DYNC2H1: variants seen among roughly 807,000 people sequenced by gnomAD.
The protein encoded by DYNC2H1 is dynein cytoplasmic 2 heavy chain 1, also known as cytoplasmic dynein 2 heavy chain 1.
Under a neutral mutation model 570.0 loss-of-function variants are expected in DYNC2H1, and 410 were observed. The ratio of observed to expected loss-of-function variants is 0.72; its 90% CI spans 0.66 to 0.78. The LOEUF (loss-of-function observed/expected upper bound fraction) is 0.78, where lower values mean the gene tolerates loss of function less well. Ranked by LOEUF, DYNC2H1 falls within the 30% of genes least tolerant of loss-of-function variation. The probability of loss-of-function intolerance (pLI) is 0.00; values close to 1 mark genes in which losing one functional copy is unlikely to be tolerated. For synonymous variants in DYNC2H1, 1,688 were observed against 1,677.6 expected (o/e 1.01, Z -0.15); for missense variants, 4,865 against 5,046.4 (o/e 0.96, Z 1.09).
chr11:103,275,526 G>A lies in DYNC2H1; in HGVS notation c.10696-4822G>A, dbSNP rs576134904. On this transcript the variant is annotated intron_variant, in intron 70 of 88. Transcript: ENST00000375735. This position sits in a 1 kb window ranked among gnomAD's most constrained non-coding sequence, Gnocchi z 4.8. Reference sequence around the variant, plus strand: ...CCTGCTCACTTAACCCCTGGCAAACGCTGATCCTTTTACTGCCTATAGTTT... The same window carrying A: ...CCTGCTCACTTAACCCCTGGCAAACACTGATCCTTTTACTGCCTATAGTTT... Among the ~76,000 whole-genome samples, 5 of 152,198 alleles carry A rather than the reference G, an allele frequency of 3.3e-5. No homozygotes were observed. The highest frequency in any genetic ancestry group is 2.1e-4 in the South Asian group (1 of 4,822).
intron 82 of DYNC2H1, among the ~76,000 whole-genome samples, chr11:103,347,335 T>C (rs1939792522): frequency 6.6e-6 from 1 of 152,204 alleles, no homozygotes; most frequent in Non-Finnish European, 1.5e-5. Flanking sequence ...ATTTTGAGAC[T>C]GTCAGAGAAA....
In DYNC2H1 at chr11:103,245,916, A is replaced by T. The variant is rs900766869; in HGVS notation, c.10042+542A>T. ...TATCATGCAAAGTGTATACACATAC[A>T]TATGTAGACGTGTACATATACGTAC... On this transcript the variant is annotated intron_variant, in intron 65 of 88. Coordinates refer to ENST00000375735, the MANE Select transcript of DYNC2H1 (RefSeq NM_001377.3). The surrounding 1 kb of genome is among the most constrained non-coding windows in gnomAD (Gnocchi z 4.5). Among the ~76,000 whole-genome samples, 4 of 152,136 alleles carry T rather than the reference A, an allele frequency of 2.6e-5. No individual in the cohort carries two copies. The highest frequency in any genetic ancestry group is 5.9e-5 in the Non-Finnish European group (4 of 67,998).
intron 88 of DYNC2H1, chr11:103,473,979 AT>A (rs1228650630): frequency 6.4e-6 from 1 of 155,920 alleles, no homozygotes; most frequent in East Asian, 1.9e-4. Context: ...AGATGTTAAA[AT>A]ATCACATATA....
chr11:103,458,925 G>A (rs1944894420), intron 87 of DYNC2H1, among the ~76,000 whole-genome samples: 1 of 151,824 alleles, frequency 6.6e-6, no homozygotes, highest in Non-Finnish European at 1.5e-5. Context: ...ACCTTCCTCG[G>A]CCTCCCAAAG....
chr11:103,262,139 C>T (rs1215352002), intron 70 of DYNC2H1, among the ~76,000 whole-genome samples: 1 of 151,898 alleles, frequency 6.6e-6, no homozygotes, highest in African/African-American at 2.4e-5. Flanking sequence ...AGCATGAAGA[C>T]AAGATTAGAG....
chr11:103,111,342 T>G (rs1297946393), intron 1 of DYNC2H1, among the ~76,000 whole-genome samples: 1 of 152,248 alleles, frequency 6.6e-6, no homozygotes, highest in Non-Finnish European at 1.5e-5. Flanking sequence ...TTCTAAGTAC[T>G]TTATATGTAT....
intron 36 of DYNC2H1, among the ~76,000 whole-genome samples, chr11:103,174,797 A>G (rs183668583): frequency 6.6e-6 from 1 of 151,966 alleles, no homozygotes; most frequent in Non-Finnish European, 1.5e-5. Flanking sequence ...TCACCTGGCT[A>G]TGGTAGTGTT....
chr11:103,293,907 T>C (rs568773056), intron 75 of DYNC2H1, among the ~76,000 whole-genome samples: 23 of 152,010 alleles, frequency 1.5e-4, no homozygotes, highest in Non-Finnish European at 3.2e-4. Context: ...TGAAACCCCA[T>C]CTGTACTAAA....
chr11:103,169,998 T>C, intron 32 of DYNC2H1, 110 bp from the exon 33 acceptor site: 1 of 1,068,828 alleles, frequency 9.4e-7, no homozygotes, highest in African/African-American at 1.7e-5. Context: ...TTAAAAACTT[T>C]AACCTGTTTG....
intron 82 of DYNC2H1, among the ~76,000 whole-genome samples, chr11:103,337,443 G>T (rs1341739155): frequency 1.3e-5 from 2 of 152,042 alleles, no homozygotes; most frequent in African/African-American, 4.8e-5. Flanking sequence ...TCTATTTTTG[G>T]TTTTTTGAGG....
At chr11:103,433,854 C>A (rs1943976313) in intron 84 of DYNC2H1, among the ~76,000 whole-genome samples, 1 of 152,068 alleles carries the variant, frequency 6.6e-6, no homozygotes, top group Admixed American at 6.6e-5. Flanking sequence ...TGACAAGTTG[C>A]CCGTTCCCTT....
chr11:103,388,771 T>G (rs1942002551), intron 83 of DYNC2H1, among the ~76,000 whole-genome samples: 1 of 152,200 alleles, frequency 6.6e-6, no homozygotes, highest in Non-Finnish European at 1.5e-5. Flanking sequence ...AAGGTGGTTT[T>G]TGTCATTGGT....
At position 103,231,308 on chromosome 11, in the gene DYNC2H1, T is replaced by C; in HGVS notation, c.9402T>C (p.Leu3134=). 1 of 1,607,620 alleles carries C rather than the reference T, an allele frequency of 6.2e-7. No individual in the cohort carries two copies. Among genetic ancestry groups the C allele is most frequent in the Non-Finnish European group, 8.5e-7 (1 of 1,177,188 alleles). ...GAAAAAGGAAACTAGAGGAGCTTCT[T>C]AATTCTGTTGGTCAAAAGGTATCAG... The part of the protein sequence containing the change: ...EDRKRKLEEL[L]NSVGQKVSEL... Residue 3134 remains leucine, a synonymous_variant, in exon 60 of 89, where the codon CTT becomes CTC. Coordinates refer to ENST00000375735, the MANE Select transcript of DYNC2H1 (RefSeq NM_001377.3).
intron 73 of DYNC2H1, 121 bp from the exon 74 acceptor site, chr11:103,286,134 A>C: frequency 7.5e-7 from 1 of 1,325,218 alleles, no homozygotes; most frequent in Non-Finnish European, 1.0e-6. Context: ...AAGGCAACAC[A>C]AAGTAGAAGA....
rs75935482 is a variant in DYNC2H1 at position 103,215,590 on chromosome 11, A to G, written c.8695-131A>G. ...TATAATTAGCAATAAGAAAAAACCT[A>G]AGTCTACTTGCTACTGTTTTGTATA... On this transcript the variant is annotated intron_variant, in intron 54 of 88. Transcript: ENST00000375735. 3,030 of 799,544 alleles carry G rather than the reference A, an allele frequency of 3.8e-3. 75 individuals are homozygous for G. In the African/African-American group the frequency reaches 0.048, roughly 13 times the overall value. 49.5% of individuals were successfully genotyped at this position (799,544 alleles called of 1,614,324 possible).
intron 78 of DYNC2H1, among the ~76,000 whole-genome samples, 169 bp from the exon 79 acceptor site, chr11:103,311,709 A>G (rs911147122): frequency 1.3e-5 from 2 of 152,208 alleles, no homozygotes; most frequent in Non-Finnish European, 2.9e-5. Flanking sequence ...GTTAGATATA[A>G]GCAATTTAAC....
chr11:103,116,626 T>C lies in DYNC2H1; in HGVS notation c.678T>C (p.Thr226=). 6.2e-7 allele frequency: 1 copy of C among 1,609,480 alleles called. No individual in the cohort carries two copies. Among genetic ancestry groups the C allele is most frequent in the Non-Finnish European group, 8.5e-7 (1 of 1,177,310 alleles). ...SLLEVVDLVE[T]TQDVVDDVWR... ...TAGAAGTTGTTGACTTGGTGGAGAC[T>C]ACTCAGGATGTTGTAGATGATGTGT... Residue 226 remains threonine (T), a synonymous_variant, in exon 5 of 89, where the codon ACT becomes ACC. Transcript: ENST00000375735.
chr11:103,174,926 C>T lies in DYNC2H1; in HGVS notation c.5674+756C>T, dbSNP rs914570204. On this transcript the variant is annotated intron_variant, in intron 36 of 88. Coordinates refer to ENST00000375735, the MANE Select transcript of DYNC2H1 (RefSeq NM_001377.3). ...GGAAAGGATTAAGCTCCACTCCTTG[C>T]GGGGTTTGGGGGGGTGGGGTGGGGT... Among the ~76,000 whole-genome samples the T allele has an allele frequency of 4.3e-4, 4 of 9,306 alleles. No homozygotes were observed. In the South Asian group the frequency reaches 0.013, roughly 30 times the overall value. The allele number at this position is 9,306 out of a possible 152,430, so 6.1% of individuals were successfully genotyped here. A position where few individuals can be genotyped will look rare whatever the true frequency, so the allele number is the denominator to read the frequency against.
rs1311729838 is a variant in DYNC2H1 at position 103,280,579 on chromosome 11, C to T, written c.10761+166C>T. ...AAAATGGTGATTCCTAGTTCTACTTCCCTGTGGATGAGCCTAACATTCCAG... is the reference window on the plus strand; with the variant it reads ...AAAATGGTGATTCCTAGTTCTACTTTCCTGTGGATGAGCCTAACATTCCAG... On this transcript the variant is annotated intron_variant, in intron 71 of 88. Coordinates refer to ENST00000375735, the MANE Select transcript of DYNC2H1 (RefSeq NM_001377.3). The surrounding 1 kb of genome is among the most constrained non-coding windows in gnomAD (Gnocchi z 4.7). Among the ~76,000 whole-genome samples, 1 of 152,082 alleles carries T rather than the reference C, an allele frequency of 6.6e-6. No homozygotes were observed. The highest frequency in any genetic ancestry group is 1.9e-4 in the East Asian group (1 of 5,200).
Sources: allele counts gnomAD v4.1 joint callset (sites outside exome capture counted in the v4.1 genomes callset), GRCh38; gene constraint gnomAD v4.1.1; non-coding constraint Gnocchi (gnomAD v3.1); transcripts MANE v1.5; gene names NCBI Gene and HGNC (gene_info 2026-07-23, HGNC 2026-07-21).